ADGRL2: variants seen among roughly 807,000 people sequenced by gnomAD.
ADGRL2 encodes adhesion G protein-coupled receptor L2.
Under a neutral mutation model 157.4 loss-of-function variants are expected in ADGRL2, and 44 were observed. The observed-to-expected ratio is 0.28, with a 90% CI of 0.22 to 0.36. ADGRL2 has a LOEUF of 0.36. Among genes scored for constraint, ADGRL2 ranks in the 10% least tolerant of loss-of-function variants. The pLI is 1.00. For synonymous variants in ADGRL2, 585 were observed against 624.7 expected, an observed-to-expected ratio of 0.94 and a Z score of 0.95; for missense variants, 1,510 against 1,768.9, an observed-to-expected ratio of 0.85 and a Z score of 2.63.
chr1:81,532,824 G>A (rs988988346), intron 2 of ADGRL2, among the ~76,000 whole-genome samples: 1 of 151,992 alleles, frequency 6.6e-6, no homozygotes, highest in African/African-American at 2.4e-5. Flanking sequence ...GGAGGCAAAG[G>A]TGGGAGGATC....
intron 1 of ADGRL2, among the ~76,000 whole-genome samples, chr1:81,832,134 C>T (rs1298628156): frequency 6.6e-6 from 1 of 152,014 alleles, no homozygotes; most frequent in East Asian, 1.9e-4. Flanking sequence ...CATTGTATTT[C>T]CTCCGAACTT....
chr1:81,696,108 A>G (rs1346529748), upstream of ADGRL2, among the ~76,000 whole-genome samples: 2 of 152,204 alleles, frequency 1.3e-5, no homozygotes, highest in Non-Finnish European at 2.9e-5. Flanking sequence ...CCTCAACAAA[A>G]GAACTATTCA....
In ADGRL2 at chr1:81,498,550, C is replaced by T. The variant is rs76993975; in HGVS notation, c.-248+53461C>T. Among the ~76,000 whole-genome samples the T allele has an allele frequency of 5.0e-3, 757 of 152,216 alleles. 16 individuals are homozygous for T. The East Asian group carries it at 0.053, about 11-fold the overall frequency. On this transcript the variant is annotated intron_variant, in intron 2 of 24. Coordinates refer to the ADGRL2 transcript ENST00000370721. ...CAGATTGAGTGAATAAGCAAAGAGC[C>T]GGAACATCTGAGTATAATTGCAGTG...
chr1:81,620,106 C>T (rs1002077872), intron 3 of ADGRL2, among the ~76,000 whole-genome samples: 2 of 152,058 alleles, frequency 1.3e-5, no homozygotes, highest in African/African-American at 2.4e-5. Flanking sequence ...ATCTGAAAGA[C>T]GAGGGCCGGG....
chr1:81,756,157 A>G (rs1371355939), intron 1 of ADGRL2, among the ~76,000 whole-genome samples: 2 of 152,144 alleles, frequency 1.3e-5, no homozygotes, highest in Admixed American at 1.3e-4. Context: ...ACTCCACTGG[A>G]AATTTCTTAT....
chr1:81,768,942 G>A (rs529212554), intron 2 of ADGRL2, among the ~76,000 whole-genome samples: 6 of 152,138 alleles, frequency 3.9e-5, no homozygotes, highest in South Asian at 2.1e-4. Flanking sequence ...AAAATTAGCC[G>A]GGCGCACTGG....
chr1:81,926,642 A>G (rs1426208251), intron 3 of ADGRL2, among the ~76,000 whole-genome samples: 1 of 152,064 alleles, frequency 6.6e-6, no homozygotes, highest in African/African-American at 2.4e-5. Flanking sequence ...ATTTAGACAC[A>G]GAAGCATTAT....
At chr1:81,535,499 A>G (rs1237048198) in intron 2 of ADGRL2, among the ~76,000 whole-genome samples, 1 of 152,126 alleles carries the variant, frequency 6.6e-6, no homozygotes, top group Non-Finnish European at 1.5e-5. Context: ...ATCAGAGACT[A>G]AAAACTTATC....
intron 3 of ADGRL2, among the ~76,000 whole-genome samples, chr1:81,912,142 G>A (rs1027661959): frequency 6.6e-6 from 1 of 151,440 alleles, no homozygotes; most frequent in Non-Finnish European, 1.5e-5. Flanking sequence ...CATGATCTCT[G>A]CTCACTGGAG....
intron 10 of ADGRL2, 82 bp from the exon 11 acceptor site, chr1:81,955,795 A>G: frequency 1.3e-6 from 1 of 786,894 alleles, no homozygotes; most frequent in South Asian, 2.0e-5. Context: ...GATAAATATT[A>G]CAATTGTCAC....
At chr1:81,915,095 C>T (rs895856600) in intron 3 of ADGRL2, among the ~76,000 whole-genome samples, 9 of 151,962 alleles carry the variant, frequency 5.9e-5, no homozygotes, top group African/African-American at 2.2e-4. Flanking sequence ...CTATAGGATC[C>T]TTGGTTTCTC....
chr1:81,903,485 T>C (rs1021474746), intron 2 of ADGRL2, among the ~76,000 whole-genome samples: 10 of 151,962 alleles, frequency 6.6e-5, no homozygotes, highest in Admixed American at 1.3e-4. Flanking sequence ...ATCTAACGTG[T>C]GGTAAGATTG....
chr1:81,899,629 G>T (rs982455695), intron 2 of ADGRL2, among the ~76,000 whole-genome samples: 5 of 152,096 alleles, frequency 3.3e-5, no homozygotes, highest in Admixed American at 1.3e-4. Flanking sequence ...TTGATTTTTT[G>T]CTCACAGAGC....
chr1:81,482,974 CTATT>C (rs1384832568), intron 2 of ADGRL2, among the ~76,000 whole-genome samples: 2 of 151,998 alleles, frequency 1.3e-5, no homozygotes, highest in Non-Finnish European at 2.9e-5. Context: ...TCTCTCTAAT[CTATT>C]TATGTATGAA....
At chr1:81,371,724 A>T (rs1376370725) in intron 1 of ADGRL2, among the ~76,000 whole-genome samples, 1 of 152,160 alleles carries the variant, frequency 6.6e-6, no homozygotes, top group Non-Finnish European at 1.5e-5. Flanking sequence ...AAAGTATGCC[A>T]TGTTTTTGAA....
intron 2 of ADGRL2, among the ~76,000 whole-genome samples, chr1:81,524,022 G>A (rs996373730): frequency 1.3e-5 from 2 of 151,322 alleles, no homozygotes; most frequent in Middle Eastern, 3.2e-3. Flanking sequence ...CCAAGATTGC[G>A]ATATTGCACT....
intron 3 of ADGRL2, among the ~76,000 whole-genome samples, chr1:81,645,627 C>CT (rs1018915928): frequency 2.0e-5 from 3 of 151,950 alleles, no homozygotes; most frequent in African/African-American, 4.8e-5. Flanking sequence ...AGAGAAGCAT[C>CT]TTTTTTTAAC....
chr1:81,468,952 G>C (rs2078115440), intron 2 of ADGRL2, among the ~76,000 whole-genome samples: 2 of 152,140 alleles, frequency 1.3e-5, no homozygotes, highest in Admixed American at 6.5e-5. Context: ...CCAGTGAGGG[G>C]TTAGTGTTAG....
chr1:81,555,559 G>A (rs1008962976), intron 2 of ADGRL2, among the ~76,000 whole-genome samples: 71 of 152,192 alleles, frequency 4.7e-4, no homozygotes, highest in African/African-American at 1.7e-3. Flanking sequence ...ATGAACCACT[G>A]TGCCCAGCCC....
Sources: gnomAD v4.1 joint callset for allele counts (sites outside exome capture counted in the v4.1 genomes callset) on GRCh38, gnomAD v4.1.1 for gene constraint, MANE v1.5 for transcripts, NCBI Gene and HGNC (gene_info 2026-07-23, HGNC 2026-07-21) for gene names.